RBFOX1: variants seen among roughly 807,000 people sequenced by gnomAD.
The protein encoded by RBFOX1 is RNA binding fox-1 homolog 1, also known as RNA binding protein fox-1 homolog 1.
In RBFOX1, 8 loss-of-function variants were observed where a neutral mutation model predicts 57.7. That is an observed-to-expected ratio of 0.14 (90% confidence interval 0.08 to 0.25). RBFOX1 has a LOEUF of 0.25. Among genes scored for constraint, RBFOX1 ranks in the 10% least tolerant of loss-of-function variants. The pLI is 1.00. For synonymous variants in RBFOX1, 326 were observed against 222.4 expected, an observed-to-expected ratio of 1.47 and a Z score of -4.15; for missense variants, 611 against 548.5, an observed-to-expected ratio of 1.11 and a Z score of -1.14.
At chr16:7,373,638 A>T (rs990377141) in intron 4 of RBFOX1, among the ~76,000 whole-genome samples, 1 of 152,206 alleles carries the variant, frequency 6.6e-6, no homozygotes, top group Non-Finnish European at 1.5e-5. Context: ...GGCTTCTGCT[A>T]TTTTGCTCAG....
chr16:6,757,118 G>C (rs1252403374), intron 3 of RBFOX1, among the ~76,000 whole-genome samples: 1 of 152,122 alleles, frequency 6.6e-6, no homozygotes, highest in Non-Finnish European at 1.5e-5. Flanking sequence ...ATCCCAATTA[G>C]AACGACTATT....
intron 4 of RBFOX1, among the ~76,000 whole-genome samples, chr16:7,076,818 G>T (rs1402781407): frequency 6.6e-6 from 1 of 152,176 alleles, no homozygotes; most frequent in African/African-American, 2.4e-5. Context: ...TATACCTCCT[G>T]TGAGCCCTGG....
chr16:6,459,402 T>G (rs2094855238), intron 2 of RBFOX1, among the ~76,000 whole-genome samples: 1 of 152,174 alleles, frequency 6.6e-6, no homozygotes, highest in Non-Finnish European at 1.5e-5. Context: ...TTAATTTTAT[T>G]TCTCCTCTCT....
intron 4 of RBFOX1, among the ~76,000 whole-genome samples, chr16:7,195,768 G>C (rs1764197668): frequency 6.6e-6 from 1 of 152,120 alleles, no homozygotes; most frequent in Admixed American, 6.5e-5. Flanking sequence ...GGCCAGACTG[G>C]TGTTCAACTC....
At chr16:7,259,467 G>A (rs991101717) in intron 4 of RBFOX1, among the ~76,000 whole-genome samples, 1 of 151,522 alleles carries the variant, frequency 6.6e-6, no homozygotes, top group African/African-American at 2.4e-5. Flanking sequence ...AAATATTGCA[G>A]CCATTTGCAT....
At position 5,357,712 on chromosome 16, in the gene RBFOX1, C is replaced by A. The variant is rs534583936; in HGVS notation, c.220-109504C>A. ...CTTAAGGCCTGGCTGTGTCCCTGTC[C>A]TTGGAATCCGTCAGGAGAGGACACA... On this transcript the variant is annotated intron_variant, in intron 1 of 2. Transcript: ENST00000585867. Among the ~76,000 whole-genome samples, 204 of 152,318 alleles carry A rather than the reference C, an allele frequency of 1.3e-3. 1 individual carries two copies. The highest frequency in any genetic ancestry group is 3.4e-3 in the Middle Eastern group (1 of 294).
chr16:7,365,405 C>A (rs934302929), intron 4 of RBFOX1, among the ~76,000 whole-genome samples: 1 of 152,088 alleles, frequency 6.6e-6, no homozygotes, highest in Non-Finnish European at 1.5e-5. Context: ...CCAGGCAGGA[C>A]AAAAGAACCT....
chr16:6,740,832 TATC>T (rs1280797923), intron 3 of RBFOX1, among the ~76,000 whole-genome samples: 10 of 152,214 alleles, frequency 6.6e-5, no homozygotes, highest in Non-Finnish European at 1.3e-4. Context: ...CATTTCAAAA[TATC>T]AGCAGAGTTT....
chr16:7,064,210 C>T (rs2055350318), intron 4 of RBFOX1, among the ~76,000 whole-genome samples: 1 of 130,972 alleles, frequency 7.6e-6, no homozygotes, highest in Admixed American at 8.9e-5. Context: ...ACTATGTGGC[C>T]TAGGCTGGAG....
chr16:6,589,597 A>G (rs74005136), intron 2 of RBFOX1, among the ~76,000 whole-genome samples: 1,699 of 152,328 alleles, frequency 0.011, 33 homozygotes, highest in African/African-American at 0.038. Context: ...CCCAGGAGCA[A>G]TCTGGGGAGG....
intron 5 of RBFOX1, among the ~76,000 whole-genome samples, chr16:7,569,442 C>A (rs75120571): frequency 5.3e-5 from 8 of 152,204 alleles, no homozygotes; most frequent in African/African-American, 1.9e-4. Flanking sequence ...GTTTTTCTCA[C>A]GGGGTGTTCA....
intron 4 of RBFOX1, among the ~76,000 whole-genome samples, chr16:5,961,169 C>CT (rs113215580): frequency 0.29 from 43,512 of 151,970 alleles, 6,467 homozygotes; most frequent in Admixed American, 0.35. Flanking sequence ...AATTTTGAGC[C>CT]TTTTTTTCAT....
chr16:6,910,447 T>G (rs1567836102), intron 3 of RBFOX1, among the ~76,000 whole-genome samples: 1 of 152,198 alleles, frequency 6.6e-6, no homozygotes, highest in Admixed American at 6.5e-5. Flanking sequence ...TGGAGTAAAA[T>G]CAAGGACTTG....
intron 9 of RBFOX1, among the ~76,000 whole-genome samples, chr16:7,603,317 A>G (rs1374606127): frequency 6.6e-6 from 1 of 152,190 alleles, no homozygotes; most frequent in African/African-American, 2.4e-5. Context: ...TATTTATGGA[A>G]TGCTTACTTT....
chr16:5,605,044 G>C (rs539684152), downstream of RBFOX1, among the ~76,000 whole-genome samples: 131 of 152,298 alleles, frequency 8.6e-4, no homozygotes, highest in Admixed American at 1.4e-3. Flanking sequence ...CACTCACCCG[G>C]CCTTCATTTC....
chr16:5,506,681 C>A (rs2151711039), intron 2 of RBFOX1, among the ~76,000 whole-genome samples: 1 of 152,188 alleles, frequency 6.6e-6, no homozygotes, highest in African/African-American at 2.4e-5. Flanking sequence ...GATGACGCCA[C>A]AGAGAAGGGA....
In RBFOX1 at chr16:6,833,622, C is replaced by A. The variant is rs149127145; in HGVS notation, c.-16+178972C>A. Among the ~76,000 whole-genome samples the A allele has an allele frequency of 4.3e-3, 662 of 152,336 alleles. 7 individuals carry two copies. The highest frequency in any genetic ancestry group is 0.015 in the African/African-American group (628 of 41,576). The stretch of plus-strand genomic sequence containing the variant: ...AGTATGTTGTTAAAGTTACATGTCA[C>A]AGGGCAGAGATTTTGTCTTCCTCAT... On this transcript the variant is annotated intron_variant, in intron 3 of 15. Coordinates refer to ENST00000550418, the MANE Select transcript of RBFOX1 (RefSeq NM_018723.4).
chr16:5,528,140 A>C (rs182429315), intron 2 of RBFOX1, among the ~76,000 whole-genome samples: 2 of 152,124 alleles, frequency 1.3e-5, no homozygotes, highest in Non-Finnish European at 2.9e-5. Flanking sequence ...AATACTGTCT[A>C]TATGCCCAGG....
intron 9 of RBFOX1, among the ~76,000 whole-genome samples, chr16:7,599,971 T>C (rs2094925550): frequency 6.6e-6 from 1 of 152,120 alleles, no homozygotes; most frequent in African/African-American, 2.4e-5. Context: ...TAACAAAATC[T>C]TGTGACCATG....
Sources: gnomAD v4.1 joint callset for allele counts (sites outside exome capture counted in the v4.1 genomes callset) on GRCh38, gnomAD v4.1.1 for gene constraint, MANE v1.5 for transcripts, NCBI Gene and HGNC (gene_info 2026-07-23, HGNC 2026-07-21) for gene names.